Variants in MTCH1 observed in about 807,000 individuals in gnomAD.
MTCH1 encodes the protein mitochondrial carrier 1.
In MTCH1, 23 loss-of-function variants were observed where a neutral mutation model predicts 49.3. The observed-to-expected ratio is 0.47, with a 90% CI of 0.34 to 0.66. The LOEUF (loss-of-function observed/expected upper bound fraction) is 0.66, where lower values mean the gene tolerates loss of function less well. Ranked by LOEUF, MTCH1 falls within the 30% of genes least tolerant of loss-of-function variation. MTCH1 has a pLI of 0.01. For missense variants in MTCH1, 397 were observed against 532.1 expected, an observed-to-expected ratio of 0.75 and a Z score of 2.50; for synonymous variants, 229 against 215.2, an observed-to-expected ratio of 1.06 and a Z score of -0.56.
chr6:36,980,917 A>C (rs1409246006), intron 2 of MTCH1, among the ~76,000 whole-genome samples: 5 of 152,222 alleles, frequency 3.3e-5, no homozygotes, highest in Non-Finnish European at 7.3e-5. Flanking sequence ...CAGAGGCAGC[A>C]AGGTGGGCTT....
At chr6:36,986,474 G>T (rs1337204964), upstream of MTCH1, among the ~76,000 whole-genome samples, 1 of 152,112 alleles carries the variant, frequency 6.6e-6, no homozygotes, top group Non-Finnish European at 1.5e-5. Context: ...GGGGTTCGGC[G>T]CCTCTGGCTG....
At chr6:36,978,018 G>T in intron 4 of MTCH1, 60 bp downstream of exon 4, 1 of 1,444,428 alleles carries the variant, frequency 6.9e-7, no homozygotes. Flanking sequence ...CCAACTTGGG[G>T]GTGAGAAATC....
At chr6:36,973,516 CAAA>C (rs1485440793) in intron 7 of MTCH1, among the ~76,000 whole-genome samples, 1 of 152,012 alleles carries the variant, frequency 6.6e-6, no homozygotes, top group African/African-American at 2.4e-5. Context: ...TTGAAAAACT[CAAA>C]AGAATATATG....
At position 36,970,731 on chromosome 6, in the gene MTCH1, C is replaced by T. The variant is rs374561938; in HGVS notation, c.907-37G>A. On this transcript the variant is annotated intron_variant, in intron 8 of 11. Transcript: ENST00000373627. Reference sequence around the variant, plus strand: ...GAAGGGAAGAGTGGTTTGCCACAGGCACCTCAGGATGCAGACTTCAGCAAC... The same window carrying T: ...GAAGGGAAGAGTGGTTTGCCACAGGTACCTCAGGATGCAGACTTCAGCAAC... The T allele has an allele frequency of 1.4e-3, 2,290 of 1,607,304 alleles. 44 individuals carry two copies. The South Asian group carries it at 0.023, about 16-fold the overall frequency.
At chr6:36,979,845 G>A (rs1764025655) in intron 2 of MTCH1, among the ~76,000 whole-genome samples, 1 of 152,130 alleles carries the variant, frequency 6.6e-6, no homozygotes, top group African/African-American at 2.4e-5. Context: ...AAAAAAAGAA[G>A]GAATAAGGAC....
At chr6:36,981,497 C>T (rs1764086994) in intron 2 of MTCH1, 91 bp downstream of exon 2, 7 of 1,189,140 alleles carry the variant, frequency 5.9e-6, no homozygotes, top group East Asian at 4.9e-5. Flanking sequence ...CCATGCTGCG[C>T]AGTGAGTTCC....
At chr6:36,976,363 T>C (rs1486010226) in intron 6 of MTCH1, 3 of 359,614 alleles carry the variant, frequency 8.3e-6, no homozygotes, top group East Asian at 7.8e-5. Flanking sequence ...AATAACAACC[T>C]ACTAACAGAG....
chr6:36,982,219 G>C lies in MTCH1; in HGVS notation c.322-547C>G, dbSNP rs573757880. 6.0e-4 allele frequency among the ~76,000 whole-genome samples: 84 copies of C among 140,618 alleles called. No individual in the cohort carries two copies. Among genetic ancestry groups the C allele is most frequent in the African/African-American group, 1.9e-3 (78 of 40,252 alleles). The allele number at this position is 140,618 out of a possible 152,430, so 92.3% of individuals were successfully genotyped here. On this transcript the variant is annotated intron_variant, in intron 1 of 11. Coordinates refer to ENST00000373627, the MANE Select transcript of MTCH1 (RefSeq NM_001271641.2). This position sits in a 1 kb window ranked among gnomAD's most constrained non-coding sequence, Gnocchi z 4.1. ...TCTATTCCTCCCATTCCCAGGCTTAGCAAACTGTTACCTCAAATTCCAGCT... is the reference window on the plus strand; with the variant it reads ...TCTATTCCTCCCATTCCCAGGCTTACCAAACTGTTACCTCAAATTCCAGCT...
Position 36,968,834 on chromosome 6 carries a change from G to A in MTCH1, c.*69C>T, listed in dbSNP as rs754739268. On this transcript the variant is annotated 3_prime_UTR_variant, in exon 12 of 12. Transcript: ENST00000373627. ...GTTGTTGGGTTGGAGTCGTCTTGCA[G>A]GTGTCCCAAGGTGGTCAGGCCTCAC... 4 of 1,608,840 alleles carry A rather than the reference G, an allele frequency of 2.5e-6. No homozygotes were observed. The African/African-American group carries it at 5.3e-5, about 22-fold the overall frequency.
rs1763733088 is a variant in MTCH1 at position 36,972,932 on chromosome 6, G to C, written c.762-136C>G. On this transcript the variant is annotated intron_variant, in intron 7 of 11. Coordinates refer to ENST00000373627, the MANE Select transcript of MTCH1 (RefSeq NM_001271641.2). The surrounding 1 kb of genome is among the most constrained non-coding windows in gnomAD (Gnocchi z 4.1). ...CCAATGGCACAGCCTTAGAAAGGAG[G>C]CCTGCAGGGTCCAGCAGCTATGCAC... 1.1e-6 allele frequency: 1 copy of C among 873,282 alleles called. No individual in the cohort carries two copies. Among genetic ancestry groups the C allele is most frequent in the Non-Finnish European group, 1.8e-6 (1 of 569,844 alleles). The allele number at this position is 873,282 out of a possible 1,614,324, so 54.1% of individuals were successfully genotyped here. A position where few individuals can be genotyped will look rare whatever the true frequency, so the allele number is the denominator to read the frequency against.
chr6:36,977,125 A>T lies in MTCH1; in HGVS notation c.701+74T>A. 1 of 1,513,176 alleles carries T rather than the reference A, an allele frequency of 6.6e-7. No individual in the cohort carries two copies. Among genetic ancestry groups the T allele is most frequent in the Non-Finnish European group, 9.2e-7 (1 of 1,092,122 alleles). The allele number at this position is 1,513,176 out of a possible 1,614,324, so 93.7% of individuals were successfully genotyped here. On this transcript the variant is annotated intron_variant, in intron 6 of 11. Coordinates refer to ENST00000373627, the MANE Select transcript of MTCH1 (RefSeq NM_001271641.2). This position sits in a 1 kb window ranked among gnomAD's most constrained non-coding sequence, Gnocchi z 5.4. ...TAGGGCAGAAAAGGTGCAGCAACCA[A>T]TCCCAGCACGGCCTGCCCTGGCCGA...
At chr6:36,975,557 A>G in intron 7 of MTCH1, 101 bp downstream of exon 7, 1 of 1,138,478 alleles carries the variant, frequency 8.8e-7, no homozygotes, top group Non-Finnish European at 1.3e-6. Flanking sequence ...AGGGCCATGT[A>G]GTGAAGTCCC....
chr6:36,975,852 T>G (rs1410669911), intron 6 of MTCH1, 135 bp from the exon 7 acceptor site: 2 of 733,530 alleles, frequency 2.7e-6, no homozygotes, highest in South Asian at 1.6e-5. Context: ...ACTATTACCA[T>G]GAAGAACCAA....
rs1764305148 is a variant in MTCH1 at position 36,986,096 on chromosome 6, G to GGCTCCA, written c.72_77dup (p.Gly27_Ala28dup). ...CCGCCGCCGCTCCGCCGCGAGCTCC[G>GGCTCCA]GCTCCAGCTCCGGCTCCCGCCATCC... On this transcript the variant is annotated inframe_insertion, in exon 1 of 12. Transcript: ENST00000373627. 1.4e-6 allele frequency: 2 copies of GGCTCCA among 1,437,210 alleles called. No individual in the cohort carries two copies. Among genetic ancestry groups the GGCTCCA allele is most frequent in the East Asian group, 6.1e-5 (2 of 33,008 alleles). 89.0% of individuals were successfully genotyped at this position (1,437,210 alleles called of 1,614,324 possible). A position where few individuals can be genotyped will look rare whatever the true frequency, so the allele number is the denominator to read the frequency against.
intron 1 of MTCH1, among the ~76,000 whole-genome samples, chr6:36,983,460 C>A (rs1764179383): frequency 2.0e-5 from 3 of 152,286 alleles, no homozygotes; most frequent in Middle Eastern, 3.4e-3. Context: ...TAACGTTATC[C>A]CATATCCCCA....
Position 36,972,833 on chromosome 6 carries a change from G to C in MTCH1, c.762-37C>G, listed in dbSNP as rs201199039. 1.5e-5 allele frequency: 23 copies of C among 1,525,902 alleles called. No homozygotes were observed. The highest frequency in any genetic ancestry group is 5.9e-5 in the Admixed American group (3 of 50,456). The allele number at this position is 1,525,902 out of a possible 1,614,324, so 94.5% of individuals were successfully genotyped here. ...GGTAAGCAGAGATGAGCAGGAGAGG[G>C]AGAGGAGCAGTTCCTGGGGGCTCCA... is the stretch of plus-strand genomic sequence containing the variant. On this transcript the variant is annotated intron_variant, in intron 7 of 11. Coordinates refer to ENST00000373627, the MANE Select transcript of MTCH1 (RefSeq NM_001271641.2). The surrounding 1 kb of genome is among the most constrained non-coding windows in gnomAD (Gnocchi z 4.1).
rs772454726 is a variant in MTCH1 at position 36,968,434 on chromosome 6, G to T, written c.*469C>A. ...CCTGGCCATTTGCCTCCTAGCATAG[G>T]CCTAGACATGATGGTGGCCACGTGC... is the stretch of plus-strand genomic sequence containing the variant. On this transcript the variant is annotated 3_prime_UTR_variant, in exon 12 of 12. Transcript: ENST00000373627. 18 of 330,512 alleles carry T rather than the reference G, an allele frequency of 5.4e-5. No homozygotes were observed. The highest frequency in any genetic ancestry group is 1.4e-4 in the South Asian group (6 of 41,668). 20.5% of individuals were successfully genotyped at this position (330,512 alleles called of 1,614,324 possible).
intron 11 of MTCH1, chr6:36,969,248 G>A (rs1763587234): frequency 1.0e-6 from 1 of 985,444 alleles, no homozygotes; most frequent in Non-Finnish European, 1.2e-6. Context: ...GAGCCCAAGT[G>A]GTCTAGGACT....
chr6:36,986,195 T>C lies in MTCH1; in HGVS notation c.-22A>G, dbSNP rs1263794677. The C allele has an allele frequency of 4.3e-5, 61 of 1,413,948 alleles. No individual in the cohort carries two copies. The highest frequency in any genetic ancestry group is 2.5e-4 in the Middle Eastern group (1 of 3,994). 87.6% of individuals were successfully genotyped at this position (1,413,948 alleles called of 1,614,324 possible). A position where few individuals can be genotyped will look rare whatever the true frequency, so the allele number is the denominator to read the frequency against. On this transcript the variant is annotated 5_prime_UTR_variant, in exon 1 of 12. Transcript: ENST00000373627. ...CCATGGCGCCCGGCGGCGAGGTCACTCCCCGTCACGTGACGGGGCCACGCC... is the reference window on the plus strand; with the variant it reads ...CCATGGCGCCCGGCGGCGAGGTCACCCCCCGTCACGTGACGGGGCCACGCC...
Sources: gnomAD v4.1 joint callset for allele counts (sites outside exome capture counted in the v4.1 genomes callset) on GRCh38, gnomAD v4.1.1 for gene constraint, Gnocchi (gnomAD v3.1) non-coding constraint, MANE v1.5 for transcripts, NCBI Gene and HGNC (gene_info 2026-07-23, HGNC 2026-07-21) for gene names.